PLEKHA7: variants seen among roughly 807,000 people sequenced by gnomAD.
PLEKHA7 encodes the protein pleckstrin homology domain containing A7.
A neutral mutation model predicts 170.0 loss-of-function variants in PLEKHA7; 104 were observed. The ratio of observed to expected loss-of-function variants is 0.61; its 90% CI spans 0.52 to 0.72. The LOEUF is 0.72. Ranked by LOEUF, PLEKHA7 falls within the 30% of genes least tolerant of loss-of-function variation. The pLI is 0.00. For synonymous variants in PLEKHA7, 648 were observed against 660.8 expected, an observed-to-expected ratio of 0.98 and a Z score of 0.30; for missense variants, 1,615 against 1,671.7, an observed-to-expected ratio of 0.97 and a Z score of 0.59.
intron 3 of PLEKHA7, among the ~76,000 whole-genome samples, chr11:16,961,671 C>T (rs1862069045): frequency 6.6e-6 from 1 of 152,206 alleles, no homozygotes; most frequent in Non-Finnish European, 1.5e-5. Flanking sequence ...AAGTGAGAGA[C>T]AGGATTCTGG....
At position 16,794,797 on chromosome 11, in the gene PLEKHA7, C is replaced by T. The variant is rs555737818; in HGVS notation, c.2519-83G>A. The T allele has an allele frequency of 1.5e-5, 23 of 1,536,184 alleles. 1 individual carries two copies. In the East Asian group the frequency reaches 4.1e-4, roughly 27 times the overall value. On this transcript the variant is annotated intron_variant, in intron 18 of 26. Coordinates refer to ENST00000531066, the MANE Select transcript of PLEKHA7 (RefSeq NM_001329630.2). ...GGATGAGTGGAGTAATTTAGCACCT[C>T]GAAGACTCAACCTCCCCAAGGGCCA... is the stretch of plus-strand genomic sequence containing the variant.
At position 16,790,881 on chromosome 11, in the gene PLEKHA7, AGCTCAG is replaced by A. The variant is rs751814581; in HGVS notation, c.2963_2968del (p.Pro988_Glu989del). 1 of 1,612,740 alleles carries A rather than the reference AGCTCAG, an allele frequency of 6.2e-7. No homozygotes were observed. ...GGCCATGTCCCCGCTGAGGGTCGCC[AGCTCAG>A]GCTCACTGACATACGACCGCAGCTC... is the stretch of plus-strand genomic sequence containing the variant. On this transcript the variant is annotated inframe_deletion, in exon 21 of 27. Coordinates refer to ENST00000531066, the MANE Select transcript of PLEKHA7 (RefSeq NM_001329630.2).
chr11:16,844,352 T>C (rs532013223), intron 8 of PLEKHA7, among the ~76,000 whole-genome samples: 1 of 152,346 alleles, frequency 6.6e-6, no homozygotes, highest in South Asian at 2.1e-4. Flanking sequence ...GAAGGTGCTG[T>C]GCCCAGCTGC....
rs1313725037 is a variant in PLEKHA7, at chr11:17,014,109, C to T, written c.163+16G>A. The T allele has an allele frequency of 5.0e-6, 8 of 1,595,054 alleles. No homozygotes were observed. In the African/African-American group the frequency reaches 5.4e-5, roughly 11 times the overall value. On this transcript the variant is annotated intron_variant, in intron 2 of 26. Transcript: ENST00000531066. ...CGCCGCTGCGCGCGCCCCCCACCCG[C>T]CGGCCCGGCGCCCACCTGAGCGGAT...
chr11:16,907,271 C>T (rs1407021069), intron 3 of PLEKHA7, among the ~76,000 whole-genome samples: 1 of 145,360 alleles, frequency 6.9e-6, no homozygotes, highest in African/African-American at 2.6e-5. Context: ...GGGGGTCAGC[C>T]CCCCGCCCGG....
chr11:16,778,906 T>A lies in PLEKHA7; in HGVS notation c.*92A>T. The A allele has an allele frequency of 1.4e-6, 1 of 701,658 alleles. No individual in the cohort carries two copies. Among genetic ancestry groups the A allele is most frequent in the Middle Eastern group, 2.3e-4 (1 of 4,310 alleles). 43.5% of individuals were successfully genotyped at this position (701,658 alleles called of 1,614,324 possible). A position where few individuals can be genotyped will look rare whatever the true frequency, so the allele number is the denominator to read the frequency against. On this transcript the variant is annotated 3_prime_UTR_variant, in exon 27 of 27. Transcript: ENST00000531066. ...CCTCCGGCCGGATTCCCTGCTCAGC[T>A]GGAAGGGGTTTCCTTGGGGGCAGAA...
At chr11:16,856,481 A>G (rs190996396) in intron 4 of PLEKHA7, among the ~76,000 whole-genome samples, 1,530 of 152,312 alleles carry the variant, frequency 0.01, 23 homozygotes, top group Non-Finnish European at 0.015. Flanking sequence ...CATTTGCCCC[A>G]AAATAGAGCT....
In PLEKHA7 at chr11:16,782,050, G is replaced by A. The variant is rs530138632; in HGVS notation, c.3793+704C>T. On this transcript the variant is annotated intron_variant, in intron 26 of 26. Coordinates refer to ENST00000531066, the MANE Select transcript of PLEKHA7 (RefSeq NM_001329630.2). ...AGCCTGCGGTCTCCTTCCTGGCTGA[G>A]AGAAAGAGCAGCCCTTTTATACACA... Among the ~76,000 whole-genome samples the A allele has an allele frequency of 4.3e-4, 65 of 152,096 alleles. No individual in the cohort carries two copies. The South Asian group carries it at 4.6e-3, about 11-fold the overall frequency.
At chr11:16,857,836 A>G (rs891589955) in intron 4 of PLEKHA7, among the ~76,000 whole-genome samples, 1 of 152,232 alleles carries the variant, frequency 6.6e-6, no homozygotes, top group African/African-American at 2.4e-5. Context: ...CTCCTGCCTC[A>G]GCCTCCCAAG....
intron 10 of PLEKHA7, among the ~76,000 whole-genome samples, chr11:16,825,157 G>A (rs530079515): frequency 6.6e-6 from 1 of 152,314 alleles, no homozygotes; most frequent in Admixed American, 6.5e-5. Context: ...AGATTAAAGA[G>A]GTTACAGCAA....
At chr11:16,899,833 A>C (rs1251386418) in intron 3 of PLEKHA7, among the ~76,000 whole-genome samples, 2 of 152,236 alleles carry the variant, frequency 1.3e-5, no homozygotes, top group East Asian at 3.8e-4. Flanking sequence ...AAGATCCCTT[A>C]TAAGTGGTAA....
chr11:16,857,162 A>G (rs1037342747), intron 4 of PLEKHA7, among the ~76,000 whole-genome samples: 1 of 152,174 alleles, frequency 6.6e-6, no homozygotes, highest in Non-Finnish European at 1.5e-5. Flanking sequence ...GTGCCCGGAG[A>G]CAGAGCCCAA....
At chr11:16,805,652 C>T (rs1848917744) in intron 13 of PLEKHA7, among the ~76,000 whole-genome samples, 1 of 151,748 alleles carries the variant, frequency 6.6e-6, no homozygotes, top group Non-Finnish European at 1.5e-5. Flanking sequence ...TAGCCAGGCA[C>T]AGTGCCGCGC....
chr11:16,797,730 A>G (rs1233213668), intron 17 of PLEKHA7, among the ~76,000 whole-genome samples: 1 of 152,162 alleles, frequency 6.6e-6, no homozygotes, highest in East Asian at 1.9e-4. Context: ...TAAGAGGATG[A>G]CCTCTAGGGC....
At chr11:16,906,602 C>G (rs1239056434) in intron 3 of PLEKHA7, among the ~76,000 whole-genome samples, 2 of 138,860 alleles carry the variant, frequency 1.4e-5, no homozygotes, top group Non-Finnish European at 3.0e-5. Flanking sequence ...GGATGGCAGA[C>G]GGAGTCGCGT....
intron 3 of PLEKHA7, among the ~76,000 whole-genome samples, chr11:16,915,328 C>T (rs1590602936): frequency 1.3e-5 from 2 of 150,412 alleles, no homozygotes; most frequent in South Asian, 2.1e-4. Context: ...GAACTCAGGT[C>T]CTCTCATATC....
chr11:16,932,655 T>G (rs1860025489), intron 3 of PLEKHA7, among the ~76,000 whole-genome samples: 1 of 152,150 alleles, frequency 6.6e-6, no homozygotes. Flanking sequence ...GATGTAGTAG[T>G]GACAGAAGAG....
intron 9 of PLEKHA7, among the ~76,000 whole-genome samples, chr11:16,838,671 C>A (rs1322351737): frequency 6.6e-6 from 1 of 150,646 alleles, no homozygotes; most frequent in Non-Finnish European, 1.5e-5. Flanking sequence ...ATGACACACT[C>A]ACTAGTGAAA....
chr11:16,811,732 T>C (rs1246125548), intron 13 of PLEKHA7, among the ~76,000 whole-genome samples: 1 of 152,234 alleles, frequency 6.6e-6, no homozygotes, highest in African/African-American at 2.4e-5. Context: ...CCTCACATGC[T>C]AAAGCCAGGT....
Sources: allele counts gnomAD v4.1 joint callset (sites outside exome capture counted in the v4.1 genomes callset), GRCh38; gene constraint gnomAD v4.1.1; transcripts MANE v1.5; gene names NCBI Gene and HGNC (gene_info 2026-07-23, HGNC 2026-07-21).